The following CPNE4 variants were observed in gnomAD, a reference collection of about 807,000 sequenced individuals.
CPNE4 encodes copine-4.
Under a neutral mutation model 67.9 loss-of-function variants are expected in CPNE4, and 25 were observed. That is an observed-to-expected ratio of 0.37 (90% CI 0.27 to 0.51). The LOEUF (loss-of-function observed/expected upper bound fraction) is 0.51. Ranked by LOEUF, CPNE4 falls within the 20% of genes least tolerant of loss-of-function variation. The probability of loss-of-function intolerance (pLI) is 0.93; values close to 1 mark genes in which losing one functional copy is unlikely to be tolerated. For missense variants in CPNE4, 464 were observed against 690.8 expected (o/e 0.67, Z 3.68); for synonymous variants, 242 against 244.9 (o/e 0.99, Z 0.11).
chr3:131,615,923 A>ACACG (rs1940123533), intron 7 of CPNE4, among the ~76,000 whole-genome samples: 4 of 89,444 alleles, frequency 4.5e-5, no homozygotes, highest in South Asian at 3.1e-4. Flanking sequence ...ACACACACAC[A>ACACG]CACACGCACA....
intron 11 of CPNE4, among the ~76,000 whole-genome samples, chr3:131,562,547 T>C (rs1936826183): frequency 6.6e-6 from 1 of 152,052 alleles, no homozygotes; most frequent in Non-Finnish European, 1.5e-5. Context: ...CTGAAGATAC[T>C]CTCCCCCTTC....
At chr3:131,605,126 G>C (rs962545701) in intron 7 of CPNE4, among the ~76,000 whole-genome samples, 1 of 152,148 alleles carries the variant, frequency 6.6e-6, no homozygotes, top group Non-Finnish European at 1.5e-5. Context: ...AAGGGATGAA[G>C]TTAGAATTTA....
chr3:131,839,961 T>C (rs924607078), intron 2 of CPNE4, among the ~76,000 whole-genome samples: 1 of 152,176 alleles, frequency 6.6e-6, no homozygotes, highest in African/African-American at 2.4e-5. Flanking sequence ...TACGAGGCAA[T>C]GTCAGATGGA....
chr3:131,816,479 A>G lies in CPNE4; in HGVS notation c.180+88785T>C, dbSNP rs375855358. On this transcript the variant is annotated intron_variant, in intron 2 of 15. Transcript: ENST00000429747. ...TTACTTTTCCTAGCTTGTTTTTCAA[A>G]CAGGAAATACGAGCAGTTTTCTTCT... Among the ~76,000 whole-genome samples, 57 of 152,284 alleles carry G rather than the reference A, an allele frequency of 3.7e-4. 2 individuals are homozygous for G. In the South Asian group the frequency reaches 0.011, roughly 29 times the overall value.
chr3:131,960,654 T>A lies in CPNE4; in HGVS notation c.-1-55210A>T, dbSNP rs145156060. ...TATTCCCTCAGGTCCTGCATGCTGA[T>A]GAAACTACTGACTTAGCTGGTCTGA... On this transcript the variant is annotated intron_variant, in intron 1 of 15. Transcript: ENST00000429747. Among the ~76,000 whole-genome samples the A allele has an allele frequency of 1.5e-3, 225 of 152,322 alleles. 1 individual carries two copies. The highest frequency in any genetic ancestry group is 4.1e-4 in the Non-Finnish European group (28 of 68,030).
At chr3:131,978,664 T>C (rs773307845) in intron 1 of CPNE4, among the ~76,000 whole-genome samples, 5 of 145,604 alleles carry the variant, frequency 3.4e-5, no homozygotes, top group Non-Finnish European at 6.0e-5. Context: ...TTCATTTACC[T>C]TTTGTATTTT....
chr3:131,554,749 T>C (rs988135336), intron 12 of CPNE4, among the ~76,000 whole-genome samples: 3 of 152,038 alleles, frequency 2.0e-5, no homozygotes, highest in African/African-American at 7.2e-5. Context: ...TGGGCAGTGT[T>C]GTTTGTACTT....
At position 131,549,974 on chromosome 3, in the gene CPNE4, T is replaced by C; in HGVS notation, c.1275A>G (p.Ser425=). 1 of 1,613,212 alleles carries C rather than the reference T, an allele frequency of 6.2e-7. No homozygotes were observed. The highest frequency in any genetic ancestry group is 8.5e-7 in the Non-Finnish European group (1 of 1,179,404). ...ATGCCTCCTTGGTGTTAGTTTCCTCTGACGCTGACTTGGCAACCTTCTGGA... is the reference window on the plus strand; with the variant it reads ...ATGCCTCCTTGGTGTTAGTTTCCTCCGACGCTGACTTGGCAACCTTCTGGA... The part of the protein sequence containing the change: ...PIIQKVAKSA[S]EETNTKEASQ... Residue 425 remains serine (S), a synonymous_variant, in exon 14 of 16, where the codon TCA becomes TCG. Coordinates refer to ENST00000429747, the MANE Select transcript of CPNE4 (RefSeq NM_130808.3).
chr3:131,554,846 G>A (rs909824350), intron 12 of CPNE4, among the ~76,000 whole-genome samples: 2 of 152,058 alleles, frequency 1.3e-5, no homozygotes, highest in African/African-American at 2.4e-5. Context: ...TAGTGGGCAC[G>A]AGTTCTCTGT....
At chr3:131,742,155 A>G (rs552634544) in intron 2 of CPNE4, among the ~76,000 whole-genome samples, 1 of 152,214 alleles carries the variant, frequency 6.6e-6, no homozygotes, top group African/African-American at 2.4e-5. Context: ...TGAGAGTAAC[A>G]TTTGAATCTG....
intron 2 of CPNE4, among the ~76,000 whole-genome samples, chr3:131,757,562 G>T (rs2107807424): frequency 6.6e-6 from 1 of 152,296 alleles, no homozygotes; most frequent in Middle Eastern, 3.4e-3. Context: ...CAGAAAATTT[G>T]CAGCTTGACA....
intron 13 of CPNE4, among the ~76,000 whole-genome samples, chr3:131,550,415 A>G (rs1223775006): frequency 1.3e-5 from 2 of 152,110 alleles, no homozygotes. Flanking sequence ...AGGCTTAGAG[A>G]TGTTCAATGA....
chr3:131,886,904 A>C (rs2107732548), intron 2 of CPNE4, among the ~76,000 whole-genome samples: 1 of 152,372 alleles, frequency 6.6e-6, no homozygotes, highest in Non-Finnish European at 1.5e-5. Context: ...GCTCATAGAC[A>C]GAAGGGACAT....
chr3:131,871,670 C>A (rs759983806), intron 2 of CPNE4, among the ~76,000 whole-genome samples: 3 of 152,148 alleles, frequency 2.0e-5, no homozygotes, highest in African/African-American at 7.2e-5. Context: ...CTGACCGATA[C>A]CAACTTCGGT....
chr3:131,717,651 C>T (rs954579167), intron 3 of CPNE4, among the ~76,000 whole-genome samples: 3 of 152,164 alleles, frequency 2.0e-5, no homozygotes, highest in Non-Finnish European at 2.9e-5. Context: ...CTGCAAACTC[C>T]GCCTCCCTCA....
At chr3:131,999,250 A>AAAAAAAAAAAAAAAG (rs2073369410) in intron 1 of CPNE4, among the ~76,000 whole-genome samples, 1 of 100,802 alleles carries the variant, frequency 9.9e-6, no homozygotes, top group African/African-American at 2.7e-5. Flanking sequence ...GTAAAAAAAA[A>AAAAAAAAAAAAAAAG]AAAAAAAAAA....
At chr3:131,845,022 C>G (rs1298924518) in intron 2 of CPNE4, among the ~76,000 whole-genome samples, 1 of 152,210 alleles carries the variant, frequency 6.6e-6, no homozygotes, top group African/African-American at 2.4e-5. Flanking sequence ...CTAGTTACTT[C>G]AAACTATATT....
chr3:131,553,233 A>G (rs1462707496), intron 12 of CPNE4, among the ~76,000 whole-genome samples: 2 of 152,106 alleles, frequency 1.3e-5, no homozygotes, highest in East Asian at 3.9e-4. Flanking sequence ...ATTTCAAAGG[A>G]TATTTCCAAG....
intron 2 of CPNE4, among the ~76,000 whole-genome samples, chr3:131,756,838 T>C (rs1040406815): frequency 8.5e-5 from 13 of 152,186 alleles, no homozygotes; most frequent in Admixed American, 6.5e-5. Flanking sequence ...GGGAAGATAA[T>C]TGAATCATGA....
Sources: allele counts gnomAD v4.1 joint callset (sites outside exome capture counted in the v4.1 genomes callset), GRCh38; gene constraint gnomAD v4.1.1; transcripts MANE v1.5; gene names NCBI Gene and HGNC (gene_info 2026-07-23, HGNC 2026-07-21).